The following KMT2D variants were observed in gnomAD, a reference collection of about 807,000 sequenced individuals.
KMT2D encodes histone-lysine N-methyltransferase 2D.
KMT2D carries 55 observed loss-of-function variants against 512.7 expected under a neutral mutation model. The observed-to-expected ratio is 0.11, with a 90% CI of 0.09 to 0.13. The LOEUF (loss-of-function observed/expected upper bound fraction) is 0.13, where lower values mean the gene tolerates loss of function less well. KMT2D is among the 10% of genes least tolerant of loss of function. KMT2D has a pLI of 1.00. For synonymous variants in KMT2D, 2,995 were observed against 2,904.0 expected, an observed-to-expected ratio of 1.03 and a Z score of -1.01; for missense variants, 6,061 against 7,127.9, an observed-to-expected ratio of 0.85 and a Z score of 5.39.
At position 49,043,318 on chromosome 12, in the gene KMT2D, G is replaced by A. The variant is rs1430932740; in HGVS notation, c.5533+45C>T. The stretch of plus-strand genomic sequence containing the variant: ...TCAGGGGCACAGCAGAGGGACAGAG[G>A]CAAGCAAGGCCAAGACAGGACACAG... On this transcript the variant is annotated intron_variant, in intron 25 of 54. Coordinates refer to ENST00000301067, the MANE Select transcript of KMT2D (RefSeq NM_003482.4). 3 of 1,597,100 alleles carry A rather than the reference G, an allele frequency of 1.9e-6. No homozygotes were observed. In the African/African-American group the frequency reaches 4.0e-5, roughly 21 times the overall value.
In KMT2D at chr12:49,026,446, G is replaced by A. The variant is rs1935474046; in HGVS notation, c.15520C>T (p.Arg5174Trp). Residue 5174 changes from arginine to tryptophan, a missense_variant, in exon 49 of 55, where the codon CGG becomes TGG. This residue lies in a region of KMT2D where 261 missense variants were observed against 440.7 expected (regional missense o/e 0.59). Coordinates refer to ENST00000301067, the MANE Select transcript of KMT2D (RefSeq NM_003482.4). This position sits in a 1 kb window ranked among gnomAD's most constrained non-coding sequence, Gnocchi z 9.6. ...QIASIIQRGERLHMFRVGGLV... is the reference protein window; with the variant it reads ...QIASIIQRGEWLHMFRVGGLV... ...CCCCCCACACGGAACATGTGCAGCC[G>A]TTCTCCCCGCTGAATGATGCTAGCG... 1.2e-6 allele frequency: 2 copies of A among 1,613,938 alleles called. No homozygotes were observed. The highest frequency in any genetic ancestry group is 8.5e-7 in the Non-Finnish European group (1 of 1,179,892).
chr12:49,043,506 T>G (rs1943636948), intron 24 of KMT2D, 78 bp from the exon 25 acceptor site: 1 of 1,595,054 alleles, frequency 6.3e-7, no homozygotes, highest in African/African-American at 1.3e-5. Context: ...CCCACAGCCC[T>G]ACAGGCCAGG....
Position 49,052,123 on chromosome 12 carries a change from C to G in KMT2D, c.1560G>C (p.Leu520Phe), listed in dbSNP as rs1938094463. The change falls in exon 11 of 55, where the codon TTG (leucine) becomes TTC (phenylalanine). Residue 520 changes from leucine (L) to phenylalanine (F), a missense_variant. Physicochemically the swap from Leu to Phe is conservative, Grantham distance 22. Transcript: ENST00000301067. Reference sequence around the variant, plus strand: ...ATGGGGGTGACTCTTCCGGTGGAGACAAGGGCGACTCCTCCAGTGGAGAAA... The same window carrying G: ...ATGGGGGTGACTCTTCCGGTGGAGAGAAGGGCGACTCCTCCAGTGGAGAAA... ...SPFSPLEESP[L>F]SPPEESPPSP... 1.9e-6 allele frequency: 3 copies of G among 1,610,914 alleles called. No individual in the cohort carries two copies. In the South Asian group the frequency reaches 3.3e-5, roughly 18 times the overall value.
Position 49,039,771 on chromosome 12 carries a change from G to A in KMT2D, c.7999C>T (p.Pro2667Ser), listed in dbSNP as rs1943404549. The stretch of plus-strand genomic sequence containing the variant: ...GTTTGGCTAAGGCCGGACATGCCTG[G>A]GTCCTGGGTACCTGGGAGTTCAGCT... ...ATAELPGTQD[P>S]GMSGLSQTEL... The change falls in exon 32 of 55, where the codon CCA (proline) becomes TCA (serine). Residue 2667 changes from proline (P) to serine (S), a missense_variant. Transcript: ENST00000301067. This position sits in a 1 kb window ranked among gnomAD's most constrained non-coding sequence, Gnocchi z 5.0. 2 of 1,613,852 alleles carry A rather than the reference G, an allele frequency of 1.2e-6. No homozygotes were observed. The highest frequency in any genetic ancestry group is 1.1e-5 in the South Asian group (1 of 91,080).
In KMT2D at chr12:49,051,601, C is replaced by T. The variant is rs1449494133; in HGVS notation, c.2082G>A (p.Glu694=). The change falls in exon 11 of 55, where the codon GAG becomes GAA. Residue 694 remains glutamate, a synonymous_variant. Transcript: ENST00000301067. ...PEASRLSPPP[E]DSPTSPPPED... ...CAGGTGGTGGGGATGTGGGGGAGTC[C>T]TCAGGTGGTGGGGAGAGGCGTGAAG... The T allele has an allele frequency of 1.9e-6, 3 of 1,588,694 alleles. No homozygotes were observed. The highest frequency in any genetic ancestry group is 2.2e-5 in the East Asian group (1 of 44,508).
At position 49,042,870 on chromosome 12, in the gene KMT2D, T is replaced by C; in HGVS notation, c.5653A>G (p.Lys1885Glu). The C allele has an allele frequency of 6.2e-7, 1 of 1,613,888 alleles. No homozygotes were observed. The highest frequency in any genetic ancestry group is 8.5e-7 in the Non-Finnish European group (1 of 1,179,820). The change falls in exon 27 of 55, where the codon AAG (lysine) becomes GAG (glutamate). Residue 1885 changes from lysine (K) to glutamate (E), a missense_variant. Coordinates refer to ENST00000301067, the MANE Select transcript of KMT2D (RefSeq NM_003482.4). The surrounding 1 kb of genome is among the most constrained non-coding windows in gnomAD (Gnocchi z 4.4). The stretch of plus-strand genomic sequence containing the variant: ...TGCTGCAGGTCCTTGGATTCCATCT[T>C]GGGCAGTTCTGTGGGGGAATGAAGG... ...LDRISTEELPKMESKDLQQLF... is the reference protein window; with the variant it reads ...LDRISTEELPEMESKDLQQLF...
rs2120521803 is a variant in KMT2D, at chr12:49,040,073, A to C, written c.7697T>G (p.Phe2566Cys). ...LPPPHGINSH[F>C]GPGPTLGKPQ... ...CTTGCCCAAGGTGGGGCCGGGCCCA[A>C]AATGGCTGTTGATCCCATGGGGTGG... is the stretch of plus-strand genomic sequence containing the variant. The change falls in exon 32 of 55, where the codon TTT becomes TGT. Residue 2566 changes from phenylalanine to cysteine, a missense_variant. By Grantham distance (205) the Phe-to-Cys change is radical (BLOSUM62 -2). This residue lies in a region of KMT2D where 710 missense variants were observed against 647.3 expected (regional missense o/e 1.10). Transcript: ENST00000301067. 6.2e-7 allele frequency: 1 copy of C among 1,613,960 alleles called. No individual in the cohort carries two copies. The highest frequency in any genetic ancestry group is 2.2e-5 in the East Asian group (1 of 44,874).
Position 49,022,483 on chromosome 12 carries a change from C to A in KMT2D, c.16338+107G>T. ...TGTACTTCATTTCTCCTGCCTTTCC[C>A]TTCTCCCCACCACAGCTTTCCTCCT... On this transcript the variant is annotated intron_variant, in intron 52 of 54. Transcript: ENST00000301067. This position sits in a 1 kb window ranked among gnomAD's most constrained non-coding sequence, Gnocchi z 8.6. 1 of 1,518,912 alleles carries A rather than the reference C, an allele frequency of 6.6e-7. No individual in the cohort carries two copies. The highest frequency in any genetic ancestry group is 9.0e-7 in the Non-Finnish European group (1 of 1,110,088). 94.1% of individuals were successfully genotyped at this position (1,518,912 alleles called of 1,614,324 possible).
chr12:49,046,305 G>A lies in KMT2D; in HGVS notation c.4538C>T (p.Pro1513Leu). ...SLVTCPICHA[P>L]YVEEDLLIQC... ...GATTAGTAGGTCCTCTTCTACGTAA[G>A]GAGCATGACAGATAGGGCAGGTCAC... The change falls in exon 17 of 55, where the codon CCT (proline) becomes CTT (leucine). Residue 1513 changes from proline to leucine, a missense_variant. Pro to Leu is a moderately conservative substitution (Grantham distance 98). Coordinates refer to ENST00000301067, the MANE Select transcript of KMT2D (RefSeq NM_003482.4). This position sits in a 1 kb window ranked among gnomAD's most constrained non-coding sequence, Gnocchi z 4.2. The A allele has an allele frequency of 1.2e-6, 2 of 1,613,992 alleles. No homozygotes were observed. The highest frequency in any genetic ancestry group is 1.1e-5 in the South Asian group (1 of 91,082).
In KMT2D at chr12:49,043,126, G is replaced by A. The variant is rs886049481; in HGVS notation, c.5594C>T (p.Thr1865Ile). The change falls in exon 26 of 55, where the codon ACC (threonine) becomes ATC (isoleucine). Residue 1865 changes from threonine to isoleucine, a missense_variant. By Grantham distance (89) the Thr-to-Ile change is moderately conservative (BLOSUM62 -1). Coordinates refer to ENST00000301067, the MANE Select transcript of KMT2D (RefSeq NM_003482.4). ...AGAGCTAAGCATCCCTTCACCTGGGGTGCCTGGCTTCTCAGGGTCACTGGG... is the reference window on the plus strand; with the variant it reads ...AGAGCTAAGCATCCCTTCACCTGGGATGCCTGGCTTCTCAGGGTCACTGGG... Reference protein sequence around the residue: ...PVPSDPEKPGTPGEGMLSSDL... With the variant: ...PVPSDPEKPGIPGEGMLSSDL... 14 of 1,613,986 alleles carry A rather than the reference G, an allele frequency of 8.7e-6. No homozygotes were observed. The highest frequency in any genetic ancestry group is 4.4e-5 in the South Asian group (4 of 91,088).
chr12:49,032,682 T>C lies in KMT2D; in HGVS notation c.12023A>G (p.His4008Arg), dbSNP rs1942984907. The stretch of plus-strand genomic sequence containing the variant: ...ACCCAGGGCTCCAGGGCTAGAAAAG[T>C]GTTGAAGAGGCTTTGCTGGCATGCC... ...GPGMPAKPLQHFSSPGALGPT... is the reference protein window; with the variant it reads ...GPGMPAKPLQRFSSPGALGPT... Residue 4008 changes from histidine to arginine, a missense_variant, in exon 40 of 55, where the codon CAC (histidine) becomes CGC (arginine). His to Arg is a conservative substitution (Grantham distance 29). Coordinates refer to ENST00000301067, the MANE Select transcript of KMT2D (RefSeq NM_003482.4). 2 of 1,613,554 alleles carry C rather than the reference T, an allele frequency of 1.2e-6. No homozygotes were observed. Among genetic ancestry groups the C allele is most frequent in the African/African-American group, 2.7e-5 (2 of 74,874 alleles).
intron 48 of KMT2D, 49 bp downstream of exon 48, chr12:49,027,754 G>T: frequency 6.4e-7 from 1 of 1,551,116 alleles, no homozygotes; most frequent in Non-Finnish European, 8.7e-7. Context: ...GCGCCTGGCC[G>T]GCAGCCCCTT....
intron 35 of KMT2D, 46 bp downstream of exon 35, chr12:49,037,076 TAAC>T (rs753347792): frequency 2.0e-6 from 3 of 1,521,452 alleles, no homozygotes; most frequent in Non-Finnish European, 2.6e-6. Flanking sequence ...CATTTAGGGA[TAAC>T]AATAATCACC....
chr12:49,055,405 C>T (rs960683259), intron 1 of KMT2D, 44 bp from the exon 2 acceptor site: 4 of 1,329,860 alleles, frequency 3.0e-6, no homozygotes, highest in Non-Finnish European at 2.1e-6. Context: ...CTAAGTCTTC[C>T]CAAGAAGCAT....
rs757380831 is a variant in KMT2D, at chr12:49,044,480, G to C, written c.5006C>G (p.Pro1669Arg). 1.2e-6 allele frequency: 2 copies of C among 1,613,980 alleles called. No individual in the cohort carries two copies. Among genetic ancestry groups the C allele is most frequent in the Non-Finnish European group, 1.7e-6 (2 of 1,179,886 alleles). The change falls in exon 21 of 55, where the codon CCC (proline) becomes CGC (arginine). Residue 1669 changes from proline (P) to arginine (R), a missense_variant. Transcript: ENST00000301067. The surrounding 1 kb of genome is among the most constrained non-coding windows in gnomAD (Gnocchi z 6.4). ...GCCAGGCTCCACATCAGGGCTGACGGGGCCCTCCAGTTTAATTTCGCACTC... is the reference window on the plus strand; with the variant it reads ...GCCAGGCTCCACATCAGGGCTGACGCGGCCCTCCAGTTTAATTTCGCACTC... ...HMECEIKLEG[P>R]VSPDVEPGKE...
chr12:49,022,475 G>A lies in KMT2D; in HGVS notation c.16338+115C>T. 4 of 1,502,636 alleles carry A rather than the reference G, an allele frequency of 2.7e-6. No individual in the cohort carries two copies. Among genetic ancestry groups the A allele is most frequent in the Middle Eastern group, 2.2e-4 (1 of 4,604 alleles). The allele number at this position is 1,502,636 out of a possible 1,614,324, so 93.1% of individuals were successfully genotyped here. A position where few individuals can be genotyped will look rare whatever the true frequency, so the allele number is the denominator to read the frequency against. ...TTGTTGCATGTACTTCATTTCTCCT[G>A]CCTTTCCCTTCTCCCCACCACAGCT... is the stretch of plus-strand genomic sequence containing the variant. On this transcript the variant is annotated intron_variant, in intron 52 of 54. Transcript: ENST00000301067. The surrounding 1 kb of genome is among the most constrained non-coding windows in gnomAD (Gnocchi z 8.6).
In KMT2D at chr12:49,027,108, G is replaced by A; in HGVS notation, c.14858C>T (p.Ala4953Val). The A allele has an allele frequency of 6.2e-7, 1 of 1,600,978 alleles. No homozygotes were observed. Among genetic ancestry groups the A allele is most frequent in the Non-Finnish European group, 8.5e-7 (1 of 1,171,746 alleles). ...EPPVPSPLPL[A>V]SSPESARPKP... ...GGGTCGGGCTGATTCAGGGGATGAG[G>A]CCAGTGGCAGAGGTGAGGGGACGGG... The change falls in exon 49 of 55, where the codon GCC becomes GTC. Residue 4953 changes from alanine to valine, a missense_variant. By Grantham distance (64) the Ala-to-Val change is moderately conservative. Around this residue, in one of 16 missense-constraint regions of KMT2D, gnomAD observed 1,600 missense variants for 1,754.9 expected, o/e 0.91. Coordinates refer to ENST00000301067, the MANE Select transcript of KMT2D (RefSeq NM_003482.4).
chr12:49,030,832 G>C, intron 41 of KMT2D, 61 bp downstream of exon 41: 1 of 1,611,854 alleles, frequency 6.2e-7, no homozygotes, highest in Non-Finnish European at 8.5e-7. Context: ...TTGCACAGCT[G>C]GGGGACAGGG....
At chr12:49,029,017 AC>A (rs771825960) in intron 45 of KMT2D, 43 bp downstream of exon 45, 11 of 1,606,422 alleles carry the variant, frequency 6.8e-6, no homozygotes, top group African/African-American at 1.3e-5. Flanking sequence ...GCTTCGGACA[AC>A]CCAGGTGAAC....
Sources: gnomAD v4.1 joint callset for allele counts on GRCh38, gnomAD v4.1.1 for gene constraint, gnomAD v4.1.1 regional missense constraint, Gnocchi (gnomAD v3.1) non-coding constraint, MANE v1.5 for transcripts, NCBI Gene and HGNC (gene_info 2026-07-23, HGNC 2026-07-21) for gene names.